Variants in DHTKD1 observed in about 807,000 individuals in gnomAD.
The protein encoded by DHTKD1 is dehydrogenase E1 and transketolase domain containing 1, also known as 2-oxoadipate dehydrogenase complex component E1.
A neutral mutation model predicts 101.8 loss-of-function variants in DHTKD1; 78 were observed. The observed-to-expected ratio is 0.77, with a 90% CI of 0.64 to 0.93. DHTKD1 has a LOEUF of 0.93. Ranked by LOEUF, DHTKD1 falls within the 40% of genes least tolerant of loss-of-function variation. The pLI, the probability that DHTKD1 is intolerant of heterozygous loss-of-function variation, is 0.00. For missense variants in DHTKD1, 1,223 were observed against 1,161.7 expected, an observed-to-expected ratio of 1.05 and a Z score of -0.77; for synonymous variants, 462 against 450.3, an observed-to-expected ratio of 1.03 and a Z score of -0.33.
At chr10:12,118,404 GTT>G (rs1833453768) in intron 14 of DHTKD1, among the ~76,000 whole-genome samples, 2 of 145,894 alleles carry the variant, frequency 1.4e-5, no homozygotes, top group South Asian at 4.3e-4. Flanking sequence ...TTTTTTTGAG[GTT>G]GAGTCTTGCT....
chr10:12,118,507 C>T (rs1372701602), intron 14 of DHTKD1, among the ~76,000 whole-genome samples: 3 of 151,870 alleles, frequency 2.0e-5, no homozygotes, highest in Non-Finnish European at 4.4e-5. Context: ...CTTAGCCTCC[C>T]GAGTAGCTGG....
intron 11 of DHTKD1, among the ~76,000 whole-genome samples, chr10:12,106,709 A>G (rs1376004236): frequency 6.6e-6 from 1 of 152,232 alleles, no homozygotes; most frequent in Non-Finnish European, 1.5e-5. Context: ...TGCTCACCGT[A>G]AAAATTAGAA....
At chr10:12,102,611 T>C (rs966481030) in intron 10 of DHTKD1, among the ~76,000 whole-genome samples, 5 of 152,120 alleles carry the variant, frequency 3.3e-5, no homozygotes, top group African/African-American at 1.2e-4. Flanking sequence ...CATTGAATTG[T>C]GCTTTGATAT....
At chr10:12,085,924 A>G (rs927806287) in intron 3 of DHTKD1, among the ~76,000 whole-genome samples, 7 of 152,242 alleles carry the variant, frequency 4.6e-5, no homozygotes, top group South Asian at 4.1e-4. Context: ...AAATAAAAAA[A>G]CATAGTTCTT....
Position 12,106,383 on chromosome 10 carries a change from A to G in DHTKD1, c.2034A>G (p.Thr678=), listed in dbSNP as rs1205375110. 6.2e-7 allele frequency: 1 copy of G among 1,614,172 alleles called. No homozygotes were observed. The highest frequency in any genetic ancestry group is 8.5e-7 in the Non-Finnish European group (1 of 1,180,020). The change falls in exon 11 of 17, where the codon ACA becomes ACG. Residue 678 remains threonine (T), a synonymous_variant. Transcript: ENST00000263035. ...FFNGAQIIFD[T]FISGGEAKWL... ...ATGGTGCCCAGATCATCTTTGACACATTCATCTCTGGAGGTTGGTGTCAGC... is the reference window on the plus strand; with the variant it reads ...ATGGTGCCCAGATCATCTTTGACACGTTCATCTCTGGAGGTTGGTGTCAGC...
chr10:12,095,764 G>A (rs570560493), intron 7 of DHTKD1, among the ~76,000 whole-genome samples: 1 of 127,398 alleles, frequency 7.8e-6, no homozygotes, highest in African/African-American at 2.9e-5. Flanking sequence ...AGTGAGCCCA[G>A]ATCGCACCAC....
In DHTKD1 at chr10:12,120,220, C is replaced by A. The variant is rs150960212; in HGVS notation, c.2611C>A (p.Pro871Thr). 1.9e-6 allele frequency: 3 copies of A among 1,613,964 alleles called. No individual in the cohort carries two copies. In the South Asian group the frequency reaches 3.3e-5, roughly 18 times the overall value. Residue 871 changes from proline (P) to threonine (T), a missense_variant, in exon 16 of 17, where the codon CCG (proline) becomes ACG (threonine). Pro to Thr is a conservative substitution (Grantham distance 38). Coordinates refer to ENST00000263035, the MANE Select transcript of DHTKD1 (RefSeq NM_018706.7). ...WSQEEPQNMG[P>T]WSFVSPRFEK... is the part of the protein sequence containing the mutation. Reference sequence around the variant, plus strand: ...TCAGGAGGAACCTCAGAACATGGGTCCGTGGTCGTTTGTTTCTCCAAGGTT... The same window carrying A: ...TCAGGAGGAACCTCAGAACATGGGTACGTGGTCGTTTGTTTCTCCAAGGTT...
At position 12,089,313 on chromosome 10, in the gene DHTKD1, G is replaced by A. The variant is rs1009173739; in HGVS notation, c.987+58G>A. On this transcript the variant is annotated intron_variant, in intron 5 of 16. Transcript: ENST00000263035. ...TGGGGAAAACTGGGAAGAATGTGTG[G>A]GTTGGGAGGGCTGAAAGCACATGGC... 1.5e-5 allele frequency: 23 copies of A among 1,526,748 alleles called. 2 individuals are homozygous for A. In the South Asian group the frequency reaches 2.7e-4, roughly 18 times the overall value. The allele number at this position is 1,526,748 out of a possible 1,614,324, so 94.6% of individuals were successfully genotyped here. A position where few individuals can be genotyped will look rare whatever the true frequency, so the allele number is the denominator to read the frequency against.
rs57839020 is a variant in DHTKD1 at position 12,090,428 on chromosome 10, T to TTTCCTTCCTTCCTTCC, written c.988-1049_988-1034dup. Among the ~76,000 whole-genome samples, 215 of 119,860 alleles carry TTTCCTTCCTTCCTTCC rather than the reference T, an allele frequency of 1.8e-3. 1 individual carries two copies. Among genetic ancestry groups the TTTCCTTCCTTCCTTCC allele is most frequent in the African/African-American group, 6.9e-3 (194 of 28,170 alleles). The allele number at this position is 119,860 out of a possible 152,430, so 78.6% of individuals were successfully genotyped here. On this transcript the variant is annotated intron_variant, in intron 5 of 16. Coordinates refer to ENST00000263035, the MANE Select transcript of DHTKD1 (RefSeq NM_018706.7). ...TCCTTTTTTCCTTCCTTCCTTCCTT[T>TTTCCTTCCTTCCTTCC]TTCCTTCCTTCCTTCCTTCCTTCCT...
rs1166810127 is a variant in DHTKD1 at position 12,103,604 on chromosome 10, C to T, written c.1896+2423C>T. ...AATTATAGCTCACTGTAGCCTCCAG[C>T]TCTTAGGCACAAGCAATTGTCCCGC... On this transcript the variant is annotated intron_variant, in intron 10 of 16. Transcript: ENST00000263035. The surrounding 1 kb of genome is among the most constrained non-coding windows in gnomAD (Gnocchi z 4.8). Among the ~76,000 whole-genome samples, 1 of 151,834 alleles carries T rather than the reference C, an allele frequency of 6.6e-6. No homozygotes were observed. The highest frequency in any genetic ancestry group is 2.4e-5 in the African/African-American group (1 of 41,336).
chr10:12,076,732 C>T (rs1832737253), intron 1 of DHTKD1, among the ~76,000 whole-genome samples: 1 of 151,874 alleles, frequency 6.6e-6, no homozygotes, highest in South Asian at 2.1e-4. Flanking sequence ...GATCTCAGCT[C>T]ACTGCAAGCT....
intron 6 of DHTKD1, among the ~76,000 whole-genome samples, chr10:12,093,232 C>T (rs959209283): frequency 1.2e-4 from 18 of 152,012 alleles, no homozygotes; most frequent in Non-Finnish European, 1.5e-4. Flanking sequence ...TTAGTAGAGA[C>T]GGGGTTTCAC....
In DHTKD1 at chr10:12,120,228, G is replaced by T. The variant is rs200516805; in HGVS notation, c.2619G>T (p.Ser873=). ...QEEPQNMGPW[S]FVSPRFEKQL... Reference sequence around the variant, plus strand: ...AACCTCAGAACATGGGTCCGTGGTCGTTTGTTTCTCCAAGGTTTGAAAAGC... The same window carrying T: ...AACCTCAGAACATGGGTCCGTGGTCTTTTGTTTCTCCAAGGTTTGAAAAGC... Residue 873 remains serine, a synonymous_variant, in exon 16 of 17, where the codon TCG becomes TCT. Coordinates refer to ENST00000263035, the MANE Select transcript of DHTKD1 (RefSeq NM_018706.7). The T allele has an allele frequency of 3.1e-6, 5 of 1,613,934 alleles. No individual in the cohort carries two copies. Among genetic ancestry groups the T allele is most frequent in the Non-Finnish European group, 4.2e-6 (5 of 1,179,892 alleles).
At position 12,094,188 on chromosome 10, in the gene DHTKD1, T is replaced by G; in HGVS notation, c.1275T>G (p.Ile425Met). Reference sequence around the variant, plus strand: ...GCCAGTTCCGCAAGGATGTGATTATTGATCTGTTGTGCTACAGGCAGTGGG... The same window carrying G: ...GCCAGTTCCGCAAGGATGTGATTATGGATCTGTTGTGCTACAGGCAGTGGG... ...YQRQFRKDVIIDLLCYRQWGH... is the reference protein window; with the variant it reads ...YQRQFRKDVIMDLLCYRQWGH... Residue 425 changes from isoleucine (I) to methionine (M), a missense_variant, in exon 7 of 17, where the codon ATT (isoleucine) becomes ATG (methionine). Physicochemically the swap from Ile to Met is conservative, Grantham distance 10 (BLOSUM62 1). Coordinates refer to ENST00000263035, the MANE Select transcript of DHTKD1 (RefSeq NM_018706.7). 1 of 1,614,226 alleles carries G rather than the reference T, an allele frequency of 6.2e-7. No individual in the cohort carries two copies.
chr10:12,120,815 C>CA lies in DHTKD1; in HGVS notation c.2688dup (p.Val897SerfsTer15), dbSNP rs771930897. On this transcript the variant is annotated frameshift_variant, in exon 17 of 17. Transcript: ENST00000263035. LOFTEE classifies it high-confidence loss of function. Reference sequence around the variant, plus strand: ...CGTCTGGTGGGCCGGCCCCCTTTGCCAGTACCCGCTGTAGGAATTGGCACA... The same window carrying CA: ...CGTCTGGTGGGCCGGCCCCCTTTGCCAAGTACCCGCTGTAGGAATTGGCACA... The CA allele has an allele frequency of 2.5e-6, 4 of 1,614,136 alleles. No homozygotes were observed. In the South Asian group the frequency reaches 4.4e-5, roughly 18 times the overall value.
chr10:12,103,302 A>G lies in DHTKD1; in HGVS notation c.1896+2121A>G, dbSNP rs1260711188. 6.6e-6 allele frequency among the ~76,000 whole-genome samples: 1 copy of G among 152,094 alleles called. No individual in the cohort carries two copies. Among genetic ancestry groups the G allele is most frequent in the African/African-American group, 2.4e-5 (1 of 41,426 alleles). ...GGAGAAACTCCTGCTTGATCTTGGT[A>G]GTGAGAGTAGCTATATTTTCCTGAG... On this transcript the variant is annotated intron_variant, in intron 10 of 16. Transcript: ENST00000263035. This position sits in a 1 kb window ranked among gnomAD's most constrained non-coding sequence, Gnocchi z 4.8.
chr10:12,114,568 T>C (rs1258077612), intron 13 of DHTKD1, among the ~76,000 whole-genome samples: 1 of 152,178 alleles, frequency 6.6e-6, no homozygotes, highest in Non-Finnish European at 1.5e-5. Context: ...AGTGCTGGGA[T>C]TACAGGCATG....
chr10:12,099,172 C>CA (rs1159965385), intron 8 of DHTKD1, among the ~76,000 whole-genome samples: 2 of 148,532 alleles, frequency 1.3e-5, no homozygotes, highest in East Asian at 4.0e-4. Context: ...CCTGTTTCTC[C>CA]AAAAAGAGGA....
At chr10:12,104,034 A>G (rs1588614775) in intron 10 of DHTKD1, among the ~76,000 whole-genome samples, 1 of 151,812 alleles carries the variant, frequency 6.6e-6, no homozygotes, top group African/African-American at 2.4e-5. Flanking sequence ...CCTGGACACC[A>G]CTCATCGACT....
Sources: allele counts gnomAD v4.1 joint callset (sites outside exome capture counted in the v4.1 genomes callset), GRCh38; gene constraint gnomAD v4.1.1; non-coding constraint Gnocchi (gnomAD v3.1); transcripts MANE v1.5; gene names NCBI Gene and HGNC (gene_info 2026-07-23, HGNC 2026-07-21).